The following TRAPPC3L variants were observed in gnomAD, a reference collection of about 807,000 sequenced individuals.
TRAPPC3L encodes trafficking protein particle complex subunit 3L, also known as trafficking protein particle complex subunit 3-like protein.
Under a neutral mutation model 23.7 loss-of-function variants are expected in TRAPPC3L, and 23 were observed. The ratio of observed to expected loss-of-function variants is 0.97; its 90% CI spans 0.70 to 1.37. TRAPPC3L has a LOEUF of 1.37. Ranked by LOEUF, TRAPPC3L falls within the 40% of genes most tolerant of loss-of-function variation. The pLI is 0.00. For missense variants in TRAPPC3L, 212 were observed against 216.8 expected (o/e 0.98, Z 0.14); for synonymous variants, 81 against 77.9 (o/e 1.04, Z -0.21).
At chr6:116,521,552 C>T (rs946276588) in intron 3 of TRAPPC3L, 7 of 151,052 alleles carry the variant, frequency 4.6e-5, no homozygotes, top group African/African-American at 1.5e-4. Flanking sequence ...ATTTGCCCAT[C>T]CTCTCCCTTT....
intron 3 of TRAPPC3L, among the ~76,000 whole-genome samples, chr6:116,525,836 T>C (rs1484380299): frequency 1.3e-5 from 2 of 152,220 alleles, no homozygotes; most frequent in African/African-American, 4.8e-5. Flanking sequence ...ACTAGTTGCA[T>C]TGTAAAAACA....
chr6:116,511,097 T>A (rs1772106939), intron 3 of TRAPPC3L, among the ~76,000 whole-genome samples: 1 of 119,386 alleles, frequency 8.4e-6, no homozygotes, highest in Admixed American at 9.8e-5. Context: ...TAAAATCTCA[T>A]ATATATATGT....
At chr6:116,540,484 T>G (rs1562353708) in intron 2 of TRAPPC3L, 22 bp from the exon 3 acceptor site, 2 of 1,546,458 alleles carry the variant, frequency 1.3e-6, no homozygotes, top group East Asian at 4.9e-5. Flanking sequence ...GGAAAGAGTG[T>G]GGTCTGAAAA....
intron 1 of TRAPPC3L, among the ~76,000 whole-genome samples, chr6:116,545,008 C>T (rs951234593): frequency 6.6e-6 from 1 of 151,630 alleles, no homozygotes; most frequent in Non-Finnish European, 1.5e-5. Flanking sequence ...TATTACATAC[C>T]AAGCTACAAT....
intron 3 of TRAPPC3L, among the ~76,000 whole-genome samples, chr6:116,536,769 G>C (rs1773122584): frequency 6.6e-6 from 1 of 152,134 alleles, no homozygotes; most frequent in Non-Finnish European, 1.5e-5. Flanking sequence ...ACAGCCATTA[G>C]GTTCTATTCT....
intron 3 of TRAPPC3L, among the ~76,000 whole-genome samples, chr6:116,527,331 C>G (rs1398845419): frequency 6.6e-6 from 1 of 151,956 alleles, no homozygotes; most frequent in Non-Finnish European, 1.5e-5. Context: ...TCCTGGCTAA[C>G]ACGCTGAAAC....
intron 3 of TRAPPC3L, among the ~76,000 whole-genome samples, chr6:116,539,032 A>G (rs1007900251): frequency 6.6e-6 from 1 of 152,162 alleles, no homozygotes; most frequent in Non-Finnish European, 1.5e-5. Context: ...AGAGGGAGTC[A>G]TTCTCAAACC....
At chr6:116,544,151 A>AAGAGAGAGAGAG (rs141606346) in intron 1 of TRAPPC3L, among the ~76,000 whole-genome samples, 12,130 of 132,430 alleles carry the variant, frequency 0.092, 967 homozygotes, top group East Asian at 0.35. Context: ...AAAGGTGAAG[A>AAGAGAGAGAGAG]AGAGAGAGAG....
intron 3 of TRAPPC3L, chr6:116,512,237 GTAA>G: frequency 6.3e-7 from 1 of 1,588,496 alleles, no homozygotes; most frequent in Non-Finnish European, 8.5e-7. Flanking sequence ...CCAGTCTCAG[GTAA>G]GAAAAGACAA....
chr6:116,522,452 A>C (rs1465688938), intron 3 of TRAPPC3L: 1 of 152,242 alleles, frequency 6.6e-6, no homozygotes, highest in African/African-American at 2.4e-5. Context: ...TTATACATTT[A>C]TACATTCTCC....
chr6:116,501,326 C>T (rs913230995), intron 3 of TRAPPC3L, among the ~76,000 whole-genome samples: 24 of 152,224 alleles, frequency 1.6e-4, no homozygotes, highest in Admixed American at 1.2e-3. Flanking sequence ...TTTGAGTAGG[C>T]GGTTCTATGC....
At position 116,512,250 on chromosome 6, in the gene TRAPPC3L, A is replaced by G. The variant is rs755403545; in HGVS notation, c.241-11584T>C. 8.9e-6 allele frequency: 14 copies of G among 1,579,650 alleles called. No homozygotes were observed. The South Asian group carries it at 1.5e-4, about 16-fold the overall frequency. Reference sequence around the variant, plus strand: ...GCCCAGTCTCAGGTAAGAAAAGACAAACTCGCCTTTTTCTCTCAGCATGAG... The same window carrying G: ...GCCCAGTCTCAGGTAAGAAAAGACAGACTCGCCTTTTTCTCTCAGCATGAG... On this transcript the variant is annotated intron_variant, in intron 3 of 4. Transcript: ENST00000368602.
chr6:116,543,838 A>G, intron 1 of TRAPPC3L: 2 of 1,534,312 alleles, frequency 1.3e-6, no homozygotes, highest in South Asian at 2.4e-5. Context: ...TGCCAAGGAG[A>G]CCTTCAGGAT....
intron 1 of TRAPPC3L, chr6:116,543,777 A>C: frequency 1.3e-6 from 2 of 1,503,628 alleles, no homozygotes; most frequent in Non-Finnish European, 1.8e-6. Context: ...GGAAGCAAGA[A>C]TTGGATAAGA....
chr6:116,528,628 T>C (rs937494485), intron 3 of TRAPPC3L, among the ~76,000 whole-genome samples: 1 of 152,262 alleles, frequency 6.6e-6, no homozygotes, highest in African/African-American at 2.4e-5. Context: ...AGAATTTTTC[T>C]TTCCTTTTAA....
intron 3 of TRAPPC3L, among the ~76,000 whole-genome samples, chr6:116,532,380 G>A (rs994799065): frequency 6.6e-6 from 1 of 152,182 alleles, no homozygotes; most frequent in African/African-American, 2.4e-5. Flanking sequence ...GGAATTACAG[G>A]CGTGAGCCAC....
intron 3 of TRAPPC3L, among the ~76,000 whole-genome samples, chr6:116,539,769 TAAC>T (rs1463435779): frequency 2.0e-5 from 3 of 152,110 alleles, no homozygotes; most frequent in Non-Finnish European, 4.4e-5. Context: ...TCCCACAAAT[TAAC>T]AACACTACAT....
At position 116,540,386 on chromosome 6, in the gene TRAPPC3L, C is replaced by A. The variant is rs1355792447; in HGVS notation, c.217G>T (p.Glu73Ter). 1 of 1,551,184 alleles carries A rather than the reference C, an allele frequency of 6.4e-7. No individual in the cohort carries two copies. The highest frequency in any genetic ancestry group is 2.0e-5 in the Admixed American group (1 of 50,968). ...ACCTGGGCAATTATGTCTATAATTT[C>A]TGAATAACTATGGCATCTTCCCACG... is the stretch of plus-strand genomic sequence containing the variant. ...SCVGRCHSYS[E>*]IIDIIAQVAF... Residue 73 changes from glutamate (E) to a stop codon, truncating the protein, a stop_gained, in exon 3 of 5, where the codon GAA (glutamate) becomes TAA (stop). Transcript: ENST00000368602. LOFTEE classifies it high-confidence loss of function.
At chr6:116,542,038 T>C (rs1463753190) in intron 2 of TRAPPC3L, among the ~76,000 whole-genome samples, 2 of 152,224 alleles carry the variant, frequency 1.3e-5, no homozygotes, top group East Asian at 3.8e-4. Context: ...AAGGTATTTT[T>C]GTAGTCAAAT....
Sources: gnomAD v4.1 joint callset for allele counts (sites outside exome capture counted in the v4.1 genomes callset) on GRCh38, gnomAD v4.1.1 for gene constraint, MANE v1.5 for transcripts, NCBI Gene and HGNC (gene_info 2026-07-23, HGNC 2026-07-21) for gene names.